Variants in RGS6 observed in about 807,000 individuals in gnomAD.
RGS6 encodes the protein regulator of G protein signaling 6.
A neutral mutation model predicts 78.5 loss-of-function variants in RGS6; 30 were observed. The observed-to-expected ratio is 0.38, with a 90% CI of 0.29 to 0.52. The LOEUF (loss-of-function observed/expected upper bound fraction) is 0.52. Ranked by LOEUF, RGS6 falls within the 20% of genes least tolerant of loss-of-function variation. RGS6 has a pLI of 0.85. For synonymous variants in RGS6, 206 were observed against 206.0 expected (o/e 1.00, Z 0.00); for missense variants, 495 against 609.7 (o/e 0.81, Z 1.98).
intron 3 of RGS6, among the ~76,000 whole-genome samples, chr14:72,439,552 C>T (rs765914489): frequency 1.4e-4 from 21 of 152,216 alleles, no homozygotes; most frequent in Non-Finnish European, 2.8e-4. Flanking sequence ...AATAACAAAG[C>T]TTAGCTCTAC....
At chr14:72,196,135 T>C (rs2040073106) in intron 2 of RGS6, among the ~76,000 whole-genome samples, 1 of 152,034 alleles carries the variant, frequency 6.6e-6, no homozygotes. Flanking sequence ...AAAGCAGAGA[T>C]GCGAGAGACA....
chr14:72,335,361 C>A (rs10132286), intron 2 of RGS6, among the ~76,000 whole-genome samples: 1 of 152,120 alleles, frequency 6.6e-6, no homozygotes, highest in African/African-American at 2.4e-5. Context: ...CTCCTGTTTT[C>A]TGGGTTCCCT....
intron 3 of RGS6, among the ~76,000 whole-genome samples, chr14:72,415,032 C>T (rs1025050149): frequency 6.6e-6 from 1 of 152,230 alleles, no homozygotes; most frequent in Non-Finnish European, 1.5e-5. Context: ...TCTGCCCAGA[C>T]TGCGTGCTGA....
chr14:72,156,186 G>A (rs115503677), intron 2 of RGS6, among the ~76,000 whole-genome samples: 1,696 of 152,276 alleles, frequency 0.011, 26 homozygotes, highest in African/African-American at 0.039. Context: ...AGTGGCTTAC[G>A]CCTGTGATCC....
chr14:72,505,088 TG>T (rs1056000915), intron 13 of RGS6, among the ~76,000 whole-genome samples: 1 of 152,180 alleles, frequency 6.6e-6, no homozygotes, highest in African/African-American at 2.4e-5. Context: ...TTTAGGCTTT[TG>T]CTGACATATA....
At chr14:72,113,088 ATG>A (rs66871309) in intron 2 of RGS6, among the ~76,000 whole-genome samples, 6 of 113,112 alleles carry the variant, frequency 5.3e-5, no homozygotes, top group Admixed American at 9.6e-5. Context: ...GCATGCACGC[ATG>A]CATGCACACA....
chr14:71,901,669 C>A, the RGS6 span, among the ~76,000 whole-genome samples: 2 of 152,216 alleles, frequency 1.3e-5, no homozygotes, highest in Non-Finnish European at 2.9e-5. Context: ...TCCTTCAAAG[C>A]TGTTTCCTTT....
At chr14:72,409,736 T>C (rs1054504813) in intron 3 of RGS6, among the ~76,000 whole-genome samples, 3 of 151,856 alleles carry the variant, frequency 2.0e-5, no homozygotes, top group Non-Finnish European at 4.4e-5. Context: ...ACAACAGTCC[T>C]CGGTGTGTGA....
At chr14:71,867,823 T>C in the RGS6 span, among the ~76,000 whole-genome samples, 37 of 152,122 alleles carry the variant, frequency 2.4e-4, no homozygotes, top group African/African-American at 8.7e-4. Flanking sequence ...AGGTAGGGGA[T>C]GTGGGCTCAC....
chr14:72,624,737 A>G, the RGS6 span, among the ~76,000 whole-genome samples: 1 of 151,878 alleles, frequency 6.6e-6, no homozygotes, highest in Admixed American at 6.5e-5. Flanking sequence ...ACAGTTCCTC[A>G]GTTTCTTTGT....
rs2096508144 is a variant in RGS6, at chr14:72,487,439, G to C, written c.855-7713G>C. Among the ~76,000 whole-genome samples, 3 of 152,316 alleles carry C rather than the reference G, an allele frequency of 2.0e-5. No individual in the cohort carries two copies. The South Asian group carries it at 6.2e-4, about 32-fold the overall frequency. On this transcript the variant is annotated intron_variant, in intron 12 of 17. Transcript: ENST00000553525. ...AACCTGTGAATAGGTTATGTTACAT[G>C]GCAAGGAGAATTCAGGTTGCAGGTG...
the RGS6 span, among the ~76,000 whole-genome samples, chr14:72,593,887 C>T: frequency 7.2e-6 from 1 of 138,918 alleles, no homozygotes; most frequent in Non-Finnish European, 1.5e-5. Context: ...TACTTTTCAA[C>T]AGCAAAGTGT....
chr14:72,326,863 A>C (rs1212222090), intron 2 of RGS6, among the ~76,000 whole-genome samples: 2 of 152,090 alleles, frequency 1.3e-5, no homozygotes, highest in African/African-American at 4.8e-5. Flanking sequence ...GCCCGCCACC[A>C]TGCCCGGCTA....
chr14:72,303,587 A>G (rs967785755), intron 2 of RGS6, among the ~76,000 whole-genome samples: 3 of 152,284 alleles, frequency 2.0e-5, no homozygotes, highest in Admixed American at 6.5e-5. Context: ...TAATTCAATA[A>G]AGGCATTTTT....
chr14:72,070,330 A>G (rs1475012414), intron 2 of RGS6, among the ~76,000 whole-genome samples: 3 of 152,212 alleles, frequency 2.0e-5, no homozygotes, highest in African/African-American at 7.2e-5. Context: ...GTTATTACCA[A>G]CTGTGACTCT....
At chr14:72,596,905 G>T in the RGS6 span, among the ~76,000 whole-genome samples, 3 of 152,110 alleles carry the variant, frequency 2.0e-5, no homozygotes, top group Admixed American at 6.5e-5. Flanking sequence ...CAGTCCTCAG[G>T]TTCCTTATCT....
chr14:72,449,565 A>G (rs572516494), intron 3 of RGS6, among the ~76,000 whole-genome samples: 25 of 152,314 alleles, frequency 1.6e-4, no homozygotes, highest in Admixed American at 3.3e-4. Flanking sequence ...TGAAACCAGA[A>G]ACAGAAACCC....
intron 3 of RGS6, among the ~76,000 whole-genome samples, chr14:72,365,441 C>T (rs959491502): frequency 2.6e-5 from 4 of 152,200 alleles, no homozygotes; most frequent in Middle Eastern, 3.2e-3. Flanking sequence ...ATTTCGTCCA[C>T]GAGTCCCTTT....
chr14:71,948,740 C>CTTTTTTTTTTT (rs71305831), intron 1 of RGS6, among the ~76,000 whole-genome samples: 7 of 65,180 alleles, frequency 1.1e-4, no homozygotes, highest in South Asian at 8.9e-4. Flanking sequence ...CTCTCTCTCT[C>CTTTTTTTTTTT]TTTTTTTTTT....
Sources: gnomAD v4.1 joint callset for allele counts (sites outside exome capture counted in the v4.1 genomes callset) on GRCh38, gnomAD v4.1.1 for gene constraint, MANE v1.5 for transcripts, NCBI Gene and HGNC (gene_info 2026-07-23, HGNC 2026-07-21) for gene names.